GRXCR2: variants seen among roughly 807,000 people sequenced by gnomAD.
GRXCR2 encodes glutaredoxin domain-containing cysteine-rich protein 2.
GRXCR2 carries 23 observed loss-of-function variants against 24.8 expected under a neutral mutation model. The observed-to-expected ratio is 0.93, with a 90% CI of 0.67 to 1.32. The LOEUF (loss-of-function observed/expected upper bound fraction) is 1.32, where lower values mean the gene tolerates loss of function less well. Among genes scored for constraint, GRXCR2 ranks in the 40% most tolerant of loss-of-function variants. The pLI, the probability that GRXCR2 is intolerant of heterozygous loss-of-function variation, is 0.00. For missense variants in GRXCR2, 315 were observed against 303.4 expected (o/e 1.04, Z -0.28); for synonymous variants, 130 against 116.1 (o/e 1.12, Z -0.77).
intron 2 of GRXCR2, among the ~76,000 whole-genome samples, chr5:145,917,936 T>C (rs540085416): frequency 1.3e-5 from 2 of 152,250 alleles, no homozygotes; most frequent in African/African-American, 4.8e-5. Context: ...CCCACCACCA[T>C]GCACAGCTAA....
Position 145,926,840 on chromosome 5 carries a change from T to C in GRXCR2, c.-70+8861A>G, listed in dbSNP as rs954753416. ...GGGCAGTATGGCCATTTTCACAATA[T>C]TGATTCTTCCTACCCATGAGCATGG... is the stretch of plus-strand genomic sequence containing the variant. On this transcript the variant is annotated intron_variant, in intron 2 of 3. Coordinates refer to the GRXCR2 transcript ENST00000639411. Among the ~76,000 whole-genome samples the C allele has an allele frequency of 4.9e-4, 75 of 152,248 alleles. 1 individual carries two copies. Among genetic ancestry groups the C allele is most frequent in the Non-Finnish European group, 4.4e-5 (3 of 68,048 alleles).
At chr5:145,883,563 G>T (rs984675829) in intron 2 of GRXCR2, among the ~76,000 whole-genome samples, 1 of 152,132 alleles carries the variant, frequency 6.6e-6, no homozygotes, top group Non-Finnish European at 1.5e-5. Context: ...ACTCAGGATT[G>T]TACCCAGCTG....
chr5:145,930,094 A>AT (rs1390891019), intron 2 of GRXCR2, among the ~76,000 whole-genome samples: 8 of 128,776 alleles, frequency 6.2e-5, no homozygotes, highest in Non-Finnish European at 1.0e-4. Flanking sequence ...TTTAAAAACA[A>AT]TTTTTTTTGA....
At chr5:145,912,496 T>G (rs2149925965) in intron 2 of GRXCR2, among the ~76,000 whole-genome samples, 1 of 152,204 alleles carries the variant, frequency 6.6e-6, no homozygotes, top group East Asian at 1.9e-4. Context: ...CTCGTGGAGC[T>G]GACATCCCAG....
At chr5:145,931,175 G>A (rs972000639) in intron 2 of GRXCR2, among the ~76,000 whole-genome samples, 5 of 152,146 alleles carry the variant, frequency 3.3e-5, no homozygotes, top group African/African-American at 1.2e-4. Context: ...GGGACTATAG[G>A]CATGTGCCAC....
chr5:145,928,581 T>G (rs908394386), intron 2 of GRXCR2, among the ~76,000 whole-genome samples: 2 of 152,042 alleles, frequency 1.3e-5, no homozygotes, highest in South Asian at 2.1e-4. Context: ...CCATAAACAA[T>G]GATGAGTTCA....
chr5:145,926,202 C>A (rs572076123), intron 2 of GRXCR2, among the ~76,000 whole-genome samples: 1 of 151,980 alleles, frequency 6.6e-6, no homozygotes, highest in East Asian at 1.9e-4. Context: ...CATGGATTAA[C>A]GTCTAATTAC....
intron 2 of GRXCR2, among the ~76,000 whole-genome samples, chr5:145,927,715 C>G (rs968337880): frequency 2.0e-5 from 3 of 152,052 alleles, no homozygotes; most frequent in African/African-American, 7.2e-5. Flanking sequence ...CTCTGCCAGG[C>G]TTTGGTATCA....
In GRXCR2 at chr5:145,872,639, G is replaced by T. The variant is rs1399996534; in HGVS notation, c.330C>A (p.Asp110Glu). The change falls in exon 1 of 3, where the codon GAC becomes GAA. Residue 110 changes from aspartate to glutamate, a missense_variant. Coordinates refer to ENST00000377976, the MANE Select transcript of GRXCR2 (RefSeq NM_001080516.2). ...TGCCATGCACAATACCAACCTTATG[G>T]TCATTCGCCTTGTAATCGTTGAACC... ...QPRFNDYKAN[D>E]HKPLPIIDFG... 1.3e-6 allele frequency: 2 copies of T among 1,598,004 alleles called. No individual in the cohort carries two copies. The highest frequency in any genetic ancestry group is 2.2e-5 in the South Asian group (2 of 89,114).
chr5:145,907,781 T>C (rs1757112475), intron 2 of GRXCR2, among the ~76,000 whole-genome samples: 1 of 152,144 alleles, frequency 6.6e-6, no homozygotes, highest in Non-Finnish European at 1.5e-5. Context: ...GTGGAGGAGC[T>C]AGGCATTTTT....
rs540341917 is a variant in GRXCR2 at position 145,893,349 on chromosome 5, A to C, written c.-69-26621T>G. ...AGACACAGAATGGCAAATCGGATAA[A>C]GAGTCAAGACCCATCAGTGTGTTGT... is the stretch of plus-strand genomic sequence containing the variant. On this transcript the variant is annotated intron_variant, in intron 2 of 3. Coordinates refer to the GRXCR2 transcript ENST00000639411. 3.3e-5 allele frequency among the ~76,000 whole-genome samples: 5 copies of C among 152,296 alleles called. No homozygotes were observed. The South Asian group carries it at 1.0e-3, about 32-fold the overall frequency.
At position 145,897,526 on chromosome 5, in the gene GRXCR2, C is replaced by G. The variant is rs575377792; in HGVS notation, c.-69-30798G>C. On this transcript the variant is annotated intron_variant, in intron 2 of 3. Coordinates refer to the GRXCR2 transcript ENST00000639411. Reference sequence around the variant, plus strand: ...ATCACAGAATATACATTCTTCTAATCTGTACATGGAACATACTTCAAGATT... The same window carrying G: ...ATCACAGAATATACATTCTTCTAATGTGTACATGGAACATACTTCAAGATT... Among the ~76,000 whole-genome samples, 20 of 152,132 alleles carry G rather than the reference C, an allele frequency of 1.3e-4. No individual in the cohort carries two copies. In the South Asian group the frequency reaches 4.1e-3, roughly 32 times the overall value.
chr5:145,893,307 T>C (rs1427991136), intron 2 of GRXCR2, among the ~76,000 whole-genome samples: 1 of 152,160 alleles, frequency 6.6e-6, no homozygotes, highest in Non-Finnish European at 1.5e-5. Flanking sequence ...GTAAATGGGC[T>C]AAATGCTCCA....
intron 2 of GRXCR2, among the ~76,000 whole-genome samples, chr5:145,925,157 C>G (rs922786111): frequency 2.0e-5 from 3 of 152,128 alleles, no homozygotes; most frequent in African/African-American, 4.8e-5. Context: ...GAAAACCAAG[C>G]ACAGCATGTT....
In GRXCR2 at chr5:145,913,514, A is replaced by G. The variant is rs1046265683; in HGVS notation, c.-70+22187T>C. 6.6e-5 allele frequency among the ~76,000 whole-genome samples: 10 copies of G among 152,300 alleles called. No individual in the cohort carries two copies. The East Asian group carries it at 1.9e-3, about 29-fold the overall frequency. ...TATTTTAATACCCCAAATTAGAAAG[A>G]ACAGCCCCAAAATAGAAGTCTTTTA... On this transcript the variant is annotated intron_variant, in intron 2 of 3. Transcript: ENST00000639411.
At chr5:145,900,298 T>C (rs1757007138) in intron 2 of GRXCR2, among the ~76,000 whole-genome samples, 1 of 152,158 alleles carries the variant, frequency 6.6e-6, no homozygotes, top group Non-Finnish European at 1.5e-5. Context: ...CCTCCTGTTC[T>C]GGCCATGTAA....
At position 145,858,902 on chromosome 5, in the gene GRXCR2, G is replaced by A. The variant is rs1057288561; in HGVS notation, c.*831C>T. 1.7e-4 allele frequency: 26 copies of A among 152,032 alleles called. 1 individual carries two copies. The highest frequency in any genetic ancestry group is 2.1e-4 in the South Asian group (1 of 4,804). The allele number at this position is 152,032 out of a possible 1,614,324, so 9.4% of individuals were successfully genotyped here. ...CCAGTAGGTAATCTATAAAATACCT[G>A]CAGTCCTTTATGAAGAGATCATGGC... On this transcript the variant is annotated 3_prime_UTR_variant, in exon 3 of 3. Coordinates refer to ENST00000377976, the MANE Select transcript of GRXCR2 (RefSeq NM_001080516.2).
intron 2 of GRXCR2, among the ~76,000 whole-genome samples, chr5:145,891,148 G>C (rs558726840): frequency 2.6e-5 from 4 of 152,134 alleles, no homozygotes; most frequent in Admixed American, 6.5e-5. Flanking sequence ...AAAGACTTAA[G>C]GGGGAGGAGC....
intron 2 of GRXCR2, among the ~76,000 whole-genome samples, chr5:145,924,829 A>G (rs1244144010): frequency 1.3e-5 from 2 of 152,188 alleles, no homozygotes; most frequent in African/African-American, 2.4e-5. Context: ...ACCCCCTCTT[A>G]AAAGTTTTAC....
Sources: allele counts gnomAD v4.1 joint callset (sites outside exome capture counted in the v4.1 genomes callset), GRCh38; gene constraint gnomAD v4.1.1; transcripts MANE v1.5; gene names NCBI Gene and HGNC (gene_info 2026-07-23, HGNC 2026-07-21).